The following ARHGEF4 variants were observed in gnomAD, a reference collection of about 807,000 sequenced individuals.
The protein encoded by ARHGEF4 is APC-stimulated guanine nucleotide exchange factor 1.
ARHGEF4 carries 119 observed loss-of-function variants against 162.0 expected under a neutral mutation model. The ratio of observed to expected loss-of-function variants is 0.73; its 90% confidence interval spans 0.63 to 0.86. ARHGEF4 has a LOEUF of 0.86. Ranked by LOEUF, ARHGEF4 falls within the 40% of genes least tolerant of loss-of-function variation. The probability of loss-of-function intolerance (pLI) is 0.00; values close to 1 mark genes in which losing one functional copy is unlikely to be tolerated. For missense variants in ARHGEF4, 2,488 were observed against 2,456.0 expected (o/e 1.01, Z -0.28); for synonymous variants, 1,014 against 979.9 (o/e 1.03, Z -0.65).
chr2:131,015,327 T>C (rs1688706611), intron 4 of ARHGEF4, among the ~76,000 whole-genome samples: 1 of 152,152 alleles, frequency 6.6e-6, no homozygotes. Context: ...ATTAAAAATC[T>C]GGAGCTGAGA....
intron 3 of ARHGEF4, among the ~76,000 whole-genome samples, chr2:130,932,310 C>T (rs931131669): frequency 7.2e-5 from 11 of 152,148 alleles, no homozygotes; most frequent in African/African-American, 2.7e-4. Flanking sequence ...ACATCCATTC[C>T]TGAGTAGCTC....
chr2:130,841,372 T>G (rs1680598538), intron 1 of ARHGEF4, among the ~76,000 whole-genome samples: 1 of 100,840 alleles, frequency 9.9e-6, no homozygotes, highest in African/African-American at 5.3e-5. Context: ...CCTAGAAAGC[T>G]TTTTTTTTTT....
chr2:131,038,738 C>T, intron 5 of ARHGEF4, 115 bp from the exon 6 acceptor site: 2 of 1,213,312 alleles, frequency 1.6e-6, no homozygotes, highest in Non-Finnish European at 2.3e-6. Context: ...GTCAGCTCCT[C>T]TGTAAAGAAG....
At chr2:130,874,916 C>T (rs1678722885) in intron 1 of ARHGEF4, among the ~76,000 whole-genome samples, 1 of 152,190 alleles carries the variant, frequency 6.6e-6, no homozygotes, top group South Asian at 2.1e-4. Flanking sequence ...GCATTATTCT[C>T]TAGAGACTCA....
At chr2:130,982,791 TA>T (rs749484067) in intron 4 of ARHGEF4, among the ~76,000 whole-genome samples, 3 of 152,212 alleles carry the variant, frequency 2.0e-5, no homozygotes, top group Admixed American at 6.5e-5. Flanking sequence ...CCTTGTTTCA[TA>T]AATAATCTTT....
intron 1 of ARHGEF4, among the ~76,000 whole-genome samples, chr2:130,869,310 A>G (rs1217424200): frequency 6.6e-6 from 1 of 152,138 alleles, no homozygotes; most frequent in Non-Finnish European, 1.5e-5. Flanking sequence ...TGAGGATAGG[A>G]AAGAACACTC....
intron 4 of ARHGEF4, among the ~76,000 whole-genome samples, chr2:130,961,345 A>C (rs1342406134): frequency 6.6e-6 from 1 of 152,174 alleles, no homozygotes; most frequent in African/African-American, 2.4e-5. Context: ...CTGAGGGGGG[A>C]CATTCACTGA....
At position 130,881,801 on chromosome 2, in the gene ARHGEF4, C is replaced by T. The variant is rs933851735; in HGVS notation, c.40-32185C>T. On this transcript the variant is annotated intron_variant, in intron 1 of 13. Coordinates refer to ENST00000409359, the MANE Select transcript of ARHGEF4 (RefSeq NM_001367493.1). ...GATGCCACGTGCAGCCAGTGAGGAC[C>T]ACAGGCTGGTGTACTGGGCGGGGAG... Among the ~76,000 whole-genome samples, 44 of 152,100 alleles carry T rather than the reference C, an allele frequency of 2.9e-4. 1 individual carries two copies. Among genetic ancestry groups the T allele is most frequent in the Non-Finnish European group, 4.9e-4 (33 of 68,040 alleles).
chr2:130,851,898 A>G (rs1051500177), intron 1 of ARHGEF4, among the ~76,000 whole-genome samples: 4 of 152,236 alleles, frequency 2.6e-5, no homozygotes, highest in African/African-American at 9.6e-5. Context: ...AAATGCTGCC[A>G]CCTGCCAGGT....
At chr2:130,846,971 A>G (rs1255097465) in intron 1 of ARHGEF4, among the ~76,000 whole-genome samples, 1 of 152,212 alleles carries the variant, frequency 6.6e-6, no homozygotes, top group African/African-American at 2.4e-5. Context: ...ATCCACAGAC[A>G]TGTGCCAAGC....
At chr2:131,020,206 T>C (rs539357785) in intron 4 of ARHGEF4, among the ~76,000 whole-genome samples, 6 of 152,298 alleles carry the variant, frequency 3.9e-5, no homozygotes, top group Non-Finnish European at 7.4e-5. Context: ...TTATTTATTA[T>C]ACTTTAAGTT....
chr2:131,013,789 C>T (rs1235624543), intron 4 of ARHGEF4, among the ~76,000 whole-genome samples: 6 of 152,188 alleles, frequency 3.9e-5, no homozygotes, highest in East Asian at 1.9e-4. Flanking sequence ...TTAGTAGATA[C>T]GGGATTTCAC....
intron 1 of ARHGEF4, among the ~76,000 whole-genome samples, chr2:130,878,395 G>A (rs1678996465): frequency 1.3e-5 from 2 of 152,156 alleles, no homozygotes; most frequent in Admixed American, 1.3e-4. Context: ...TTACTCACAG[G>A]CCAGAAAGAG....
At chr2:130,965,601 A>G (rs1057222438) in intron 4 of ARHGEF4, among the ~76,000 whole-genome samples, 1 of 152,228 alleles carries the variant, frequency 6.6e-6, no homozygotes, top group Admixed American at 6.5e-5. Context: ...GCAAACTGGC[A>G]GAGGACTCCT....
chr2:130,912,353 C>T (rs1161899416), intron 1 of ARHGEF4, among the ~76,000 whole-genome samples: 1 of 152,224 alleles, frequency 6.6e-6, no homozygotes, highest in African/African-American at 2.4e-5. Flanking sequence ...CGTCCTGTAA[C>T]AACCACACAG....
intron 4 of ARHGEF4, among the ~76,000 whole-genome samples, chr2:131,012,591 A>C (rs1174004521): frequency 1.5e-5 from 2 of 132,614 alleles, no homozygotes; most frequent in East Asian, 2.3e-4. Context: ...GGGGTGGGGG[A>C]GGGGTGTGAT....
chr2:130,954,402 A>T (rs1459824383), intron 4 of ARHGEF4, among the ~76,000 whole-genome samples: 3 of 152,154 alleles, frequency 2.0e-5, no homozygotes, highest in Non-Finnish European at 2.9e-5. Context: ...GAGGCTTGCC[A>T]TGGGGTGGCA....
At chr2:130,935,724 A>C (rs1272328528) in intron 3 of ARHGEF4, among the ~76,000 whole-genome samples, 1 of 152,154 alleles carries the variant, frequency 6.6e-6, no homozygotes, top group Non-Finnish European at 1.5e-5. Context: ...ATTGACATCT[A>C]GTGTCATTAC....
At chr2:130,950,573 G>A (rs1331994134) in intron 4 of ARHGEF4, among the ~76,000 whole-genome samples, 1 of 152,078 alleles carries the variant, frequency 6.6e-6, no homozygotes, top group Non-Finnish European at 1.5e-5. Flanking sequence ...GCTTTGTTGA[G>A]CTATAGTCAT....
Sources: gnomAD v4.1 joint callset for allele counts (sites outside exome capture counted in the v4.1 genomes callset) on GRCh38, gnomAD v4.1.1 for gene constraint, MANE v1.5 for transcripts, NCBI Gene and HGNC (gene_info 2026-07-23, HGNC 2026-07-21) for gene names.